KCND3: variants seen among roughly 807,000 people sequenced by gnomAD.
KCND3 encodes potassium voltage-gated channel subfamily D member 3.
A neutral mutation model predicts 51.1 loss-of-function variants in KCND3; 9 were observed. That is an observed-to-expected ratio of 0.18 (90% CI 0.11 to 0.31). KCND3 has a LOEUF of 0.31. KCND3 is among the 10% of genes least tolerant of loss of function. The pLI, the probability that KCND3 is intolerant of heterozygous loss-of-function variation, is 1.00. For synonymous variants in KCND3, 349 were observed against 368.0 expected (o/e 0.95, Z 0.59); for missense variants, 526 against 903.8 (o/e 0.58, Z 5.36).
chr1:111,800,258 T>C (rs1200497859), intron 2 of KCND3, among the ~76,000 whole-genome samples: 7 of 102,674 alleles, frequency 6.8e-5, no homozygotes, highest in Non-Finnish European at 9.9e-5. Flanking sequence ...CCCTGTGCTC[T>C]CTGAAACATG....
intron 2 of KCND3, among the ~76,000 whole-genome samples, chr1:111,796,779 C>G (rs778258244): frequency 6.6e-6 from 1 of 152,182 alleles, no homozygotes; most frequent in Admixed American, 6.5e-5. Context: ...GAGAAACTTT[C>G]AAAGTGGCAT....
chr1:111,848,916 C>T (rs765344277), intron 2 of KCND3, among the ~76,000 whole-genome samples: 30 of 152,282 alleles, frequency 2.0e-4, no homozygotes, highest in East Asian at 5.8e-4. Flanking sequence ...CTCTTCCTTG[C>T]TCTTCCCTTT....
chr1:111,865,430 G>A (rs538227068), intron 2 of KCND3, among the ~76,000 whole-genome samples: 1 of 152,308 alleles, frequency 6.6e-6, no homozygotes, highest in Admixed American at 6.5e-5. Flanking sequence ...AGAGGTCAGG[G>A]CTACACAGGG....
chr1:111,979,965 T>C (rs886676345), intron 2 of KCND3, among the ~76,000 whole-genome samples: 7 of 152,112 alleles, frequency 4.6e-5, no homozygotes, highest in Non-Finnish European at 1.0e-4. Context: ...GGAGCTTGAC[T>C]AGAAGTGGAA....
At chr1:111,985,401 G>A (rs1675218205) in intron 1 of KCND3, among the ~76,000 whole-genome samples, 1 of 152,240 alleles carries the variant, frequency 6.6e-6, no homozygotes, top group Non-Finnish European at 1.5e-5. Flanking sequence ...CAGTCTCAAT[G>A]TGGAGTTCAA....
At chr1:111,922,738 A>T (rs966231714) in intron 2 of KCND3, among the ~76,000 whole-genome samples, 13 of 152,334 alleles carry the variant, frequency 8.5e-5, no homozygotes, top group African/African-American at 3.1e-4. Flanking sequence ...TGAGATTTGG[A>T]TTTGAGTTCT....
intron 2 of KCND3, among the ~76,000 whole-genome samples, chr1:111,863,205 C>G (rs959075416): frequency 2.0e-5 from 3 of 152,132 alleles, no homozygotes; most frequent in African/African-American, 7.2e-5. Context: ...GAAATTAAGT[C>G]TCAGAAAGGT....
At chr1:111,782,480 A>AG (rs555219587) in intron 3 of KCND3, among the ~76,000 whole-genome samples, 4 of 152,112 alleles carry the variant, frequency 2.6e-5, no homozygotes, top group Non-Finnish European at 5.9e-5. Flanking sequence ...AACATTGACT[A>AG]GGGGGCCAGG....
intron 2 of KCND3, among the ~76,000 whole-genome samples, chr1:111,972,440 G>C (rs1027943764): frequency 3.3e-5 from 5 of 152,226 alleles, no homozygotes; most frequent in Non-Finnish European, 5.9e-5. Flanking sequence ...CCAAAGTGCT[G>C]GGATTACAGG....
At chr1:111,984,235 C>T (rs150047376) in intron 1 of KCND3, among the ~76,000 whole-genome samples, 1 of 152,350 alleles carries the variant, frequency 6.6e-6, no homozygotes, top group East Asian at 1.9e-4. Context: ...GCTTCACCTT[C>T]TCCTGACTCC....
chr1:111,912,021 T>C (rs1249190952), intron 2 of KCND3, among the ~76,000 whole-genome samples: 1 of 152,236 alleles, frequency 6.6e-6, no homozygotes. Flanking sequence ...GCTTTGGCTA[T>C]CTGAAAGGGG....
At chr1:111,941,868 G>A (rs1672536883) in intron 2 of KCND3, among the ~76,000 whole-genome samples, 1 of 152,210 alleles carries the variant, frequency 6.6e-6, no homozygotes, top group Admixed American at 6.5e-5. Flanking sequence ...CCTAGGGCGG[G>A]GCGCAAGAGG....
At chr1:111,858,490 A>C (rs1668192338) in intron 2 of KCND3, among the ~76,000 whole-genome samples, 1 of 152,068 alleles carries the variant, frequency 6.6e-6, no homozygotes, top group Admixed American at 6.5e-5. Context: ...TAAAAATTAG[A>C]CTTTTAAATA....
chr1:111,943,397 G>A (rs1417430113), intron 2 of KCND3, among the ~76,000 whole-genome samples: 1 of 152,170 alleles, frequency 6.6e-6, no homozygotes, highest in Non-Finnish European at 1.5e-5. Context: ...CTGCCCACTG[G>A]ACTAGAGGCA....
intron 2 of KCND3, among the ~76,000 whole-genome samples, chr1:111,815,352 C>A (rs1285421436): frequency 6.6e-6 from 1 of 151,990 alleles, no homozygotes; most frequent in African/African-American, 2.4e-5. Flanking sequence ...GTGACAGAGT[C>A]TCTCCTTGAC....
intron 2 of KCND3, among the ~76,000 whole-genome samples, chr1:111,960,954 C>T (rs1468443670): frequency 6.6e-6 from 1 of 152,174 alleles, no homozygotes; most frequent in Non-Finnish European, 1.5e-5. Flanking sequence ...CTAGGGAAGA[C>T]CTCTCTTGGT....
In KCND3 at chr1:111,982,263, T is replaced by C. The variant is rs1213862669; in HGVS notation, c.464A>G (p.Asn155Ser). 1.2e-6 allele frequency: 2 copies of C among 1,614,110 alleles called. No homozygotes were observed. The highest frequency in any genetic ancestry group is 3.3e-5 in the Admixed American group (2 of 60,022). The change falls in exon 2 of 8, where the codon AAC (asparagine) becomes AGC (serine). Residue 155 changes from asparagine to serine, a missense_variant. Physicochemically the swap from Asn to Ser is conservative, Grantham distance 46. Transcript: ENST00000302127. This position sits in a 1 kb window ranked among gnomAD's most constrained non-coding sequence, Gnocchi z 8.5. ...GAGCGAGGGCATGGACTCCTGGTTGTTCTCCGAGTCGTTGTCGTCCATGAG... is the reference window on the plus strand; with the variant it reads ...GAGCGAGGGCATGGACTCCTGGTTGCTCTCCGAGTCGTTGTCGTCCATGAG... ...ERLMDDNDSE[N>S]NQESMPSLSF...
chr1:111,841,197 G>C (rs542223488), intron 2 of KCND3, among the ~76,000 whole-genome samples: 2 of 152,266 alleles, frequency 1.3e-5, no homozygotes, highest in East Asian at 3.9e-4. Flanking sequence ...TCGTCATCTG[G>C]GAGGCAGTGT....
intron 2 of KCND3, among the ~76,000 whole-genome samples, chr1:111,787,780 T>C (rs1370805052): frequency 6.6e-6 from 1 of 152,196 alleles, no homozygotes; most frequent in Non-Finnish European, 1.5e-5. Flanking sequence ...GATTTATAAT[T>C]TACAAAGCAC....
Sources: allele counts gnomAD v4.1 joint callset (sites outside exome capture counted in the v4.1 genomes callset), GRCh38; gene constraint gnomAD v4.1.1; non-coding constraint Gnocchi (gnomAD v3.1); transcripts MANE v1.5; gene names NCBI Gene and HGNC (gene_info 2026-07-23, HGNC 2026-07-21).